FBRSL1: variants seen among roughly 807,000 people sequenced by gnomAD.
FBRSL1 encodes the protein fibrosin-1-like protein.
In FBRSL1, 51 loss-of-function variants were observed where a neutral mutation model predicts 89.6. The observed-to-expected ratio is 0.57, with a 90% CI of 0.45 to 0.72. The LOEUF is 0.72. FBRSL1 is among the 30% of genes least tolerant of loss of function. The probability of loss-of-function intolerance (pLI) is 0.00; values close to 1 mark genes in which losing one functional copy is unlikely to be tolerated. For missense variants in FBRSL1, 1,618 were observed against 1,451.8 expected, an observed-to-expected ratio of 1.11 and a Z score of -1.86; for synonymous variants, 779 against 681.1, an observed-to-expected ratio of 1.14 and a Z score of -2.24.
rs367937442 is a variant in FBRSL1, at chr12:132,510,731, C to G, written c.489+2381C>G. 4.5e-5 allele frequency: 54 copies of G among 1,207,706 alleles called. No individual in the cohort carries two copies. In the African/African-American group the frequency reaches 6.9e-4, roughly 15 times the overall value. 74.8% of individuals were successfully genotyped at this position (1,207,706 alleles called of 1,614,324 possible). ...CGCCCCGCCATGCTCCCTCTCCCCC[C>G]ACTGGCGTCACAGTGCCCCCACCCG... On this transcript the variant is annotated intron_variant, in intron 2 of 18. Transcript: ENST00000680143.
chr12:132,559,202 G>A lies in FBRSL1; in HGVS notation c.646-8279G>A, dbSNP rs944784412. 3.9e-5 allele frequency among the ~76,000 whole-genome samples: 6 copies of A among 152,344 alleles called. No individual in the cohort carries two copies. The East Asian group carries it at 1.2e-3, about 29-fold the overall frequency. On this transcript the variant is annotated intron_variant, in intron 5 of 18. Transcript: ENST00000680143. ...CAAGTGTAAAATCACGGGGTTCAGGGCGGTGGTCTTGGGGGCTGCGCTGCA... is the reference window on the plus strand; with the variant it reads ...CAAGTGTAAAATCACGGGGTTCAGGACGGTGGTCTTGGGGGCTGCGCTGCA...
intron 5 of FBRSL1, among the ~76,000 whole-genome samples, chr12:132,559,470 C>T (rs1332368341): frequency 6.6e-6 from 1 of 152,242 alleles, no homozygotes; most frequent in African/African-American, 2.4e-5. Context: ...CGGCTCACTG[C>T]AGCCTCCACC....
At chr12:132,523,153 G>C (rs1006860642) in intron 2 of FBRSL1, among the ~76,000 whole-genome samples, 1 of 152,174 alleles carries the variant, frequency 6.6e-6, no homozygotes, top group African/African-American at 2.4e-5. Flanking sequence ...TGTCCCTCCA[G>C]CTCCTGCTGG....
chr12:132,527,912 G>A (rs1386049738), intron 3 of FBRSL1, 41 bp from the exon 4 acceptor site: 22 of 1,548,760 alleles, frequency 1.4e-5, no homozygotes, highest in Admixed American at 5.9e-5. Context: ...AGTTTGTTCC[G>A]AGTGGCAGCC....
intron 18 of FBRSL1, among the ~76,000 whole-genome samples, chr12:132,582,703 G>T (rs1418437505): frequency 2.0e-5 from 3 of 152,116 alleles, no homozygotes; most frequent in Non-Finnish European, 4.4e-5. Context: ...AGGCCCCCCT[G>T]TCCTAACAGG....
chr12:132,565,209 A>T (rs1157981042), intron 5 of FBRSL1: 1 of 152,192 alleles, frequency 6.6e-6, no homozygotes, highest in Non-Finnish European at 1.5e-5. Flanking sequence ...TTTCAGTTAC[A>T]CAAGTGTTAC....
intron 15 of FBRSL1, among the ~76,000 whole-genome samples, chr12:132,579,945 T>C (rs771906863): frequency 6.6e-6 from 1 of 152,176 alleles, no homozygotes; most frequent in Non-Finnish European, 1.5e-5. Flanking sequence ...AGTAAGTTGA[T>C]TTGGGGCAGG....
At chr12:132,525,115 T>TGATGAAAC (rs1357126755) in intron 2 of FBRSL1, among the ~76,000 whole-genome samples, 5 of 151,958 alleles carry the variant, frequency 3.3e-5, no homozygotes, top group Admixed American at 2.0e-4. Context: ...CTTCAGCAGG[T>TGATGAAAC]GATGAAACTG....
Position 132,583,559 on chromosome 12 carries a change from C to T in FBRSL1, c.2790C>T (p.Phe930=), listed in dbSNP as rs1202309710. ...ALLPSLGALH[F]PRLSPAALHN... ...TGCCCTCGCTGGGAGCCCTGCACTT[C>T]CCGCGCCTCTCGCCCGCCGCGCTGC... The change falls in exon 19 of 19, where the codon TTC becomes TTT. Residue 930 remains phenylalanine, a synonymous_variant. Transcript: ENST00000680143. 4.8e-6 allele frequency: 5 copies of T among 1,032,742 alleles called. No individual in the cohort carries two copies. Among genetic ancestry groups the T allele is most frequent in the Admixed American group, 5.9e-5 (1 of 16,856 alleles). The allele number at this position is 1,032,742 out of a possible 1,614,324, so 64.0% of individuals were successfully genotyped here. A position where few individuals can be genotyped will look rare whatever the true frequency, so the allele number is the denominator to read the frequency against.
intron 5 of FBRSL1, among the ~76,000 whole-genome samples, chr12:132,559,340 G>A (rs11146929): frequency 0.43 from 65,991 of 152,182 alleles, 15,786 homozygotes; most frequent in Middle Eastern, 0.55. Flanking sequence ...GGACGGGTGG[G>A]GGAAGGGCTC....
intron 1 of FBRSL1, among the ~76,000 whole-genome samples, chr12:132,503,511 G>T (rs79118389): frequency 1.5e-3 from 226 of 152,360 alleles, no homozygotes; most frequent in African/African-American, 5.3e-3. Context: ...TGTGAGCCAT[G>T]GGGGAGATGG....
At chr12:132,560,431 C>G (rs1486479367) in intron 5 of FBRSL1, among the ~76,000 whole-genome samples, 1 of 151,724 alleles carries the variant, frequency 6.6e-6, no homozygotes, top group Non-Finnish European at 1.5e-5. Context: ...GCGGCGCGGC[C>G]GAGGGTCCCA....
At chr12:132,529,003 C>T (rs2136981554) in intron 4 of FBRSL1, among the ~76,000 whole-genome samples, 1 of 152,316 alleles carries the variant, frequency 6.6e-6, no homozygotes, top group South Asian at 2.1e-4. Context: ...CCCCTGCCCT[C>T]CTCATGACTG....
chr12:132,504,285 T>C (rs1391873173), intron 1 of FBRSL1, among the ~76,000 whole-genome samples: 1 of 152,196 alleles, frequency 6.6e-6, no homozygotes, highest in Non-Finnish European at 1.5e-5. Flanking sequence ...AATTATTTTA[T>C]CTCTCCGTGT....
intron 4 of FBRSL1, among the ~76,000 whole-genome samples, chr12:132,538,366 C>G (rs1449735314): frequency 6.6e-6 from 1 of 152,238 alleles, no homozygotes; most frequent in East Asian, 1.9e-4. Flanking sequence ...CACCACTCCC[C>G]TTTCCCATCC....
At chr12:132,539,286 AG>A (rs1443612976) in intron 4 of FBRSL1, among the ~76,000 whole-genome samples, 2 of 151,866 alleles carry the variant, frequency 1.3e-5, no homozygotes, top group African/African-American at 4.8e-5. Flanking sequence ...TGGGCCAGGA[AG>A]CCTCAGTCCC....
At chr12:132,513,333 G>A (rs991209435) in intron 2 of FBRSL1, among the ~76,000 whole-genome samples, 5 of 152,134 alleles carry the variant, frequency 3.3e-5, no homozygotes, top group Admixed American at 2.0e-4. Context: ...GTGGGGCTGC[G>A]CCTGCCCAGG....
chr12:132,492,045 G>A (rs1382330809), intron 1 of FBRSL1, among the ~76,000 whole-genome samples: 2 of 152,186 alleles, frequency 1.3e-5, no homozygotes, highest in Non-Finnish European at 1.5e-5. Flanking sequence ...GATGGCCCTG[G>A]GGCTGTCTTC....
At chr12:132,502,729 C>T (rs1171190338) in intron 1 of FBRSL1, among the ~76,000 whole-genome samples, 1 of 148,176 alleles carries the variant, frequency 6.7e-6, no homozygotes, top group Admixed American at 6.7e-5. Flanking sequence ...CTCGAGCCCG[C>T]TATCCCCATG....
Sources: gnomAD v4.1 joint callset for allele counts (sites outside exome capture counted in the v4.1 genomes callset) on GRCh38, gnomAD v4.1.1 for gene constraint, MANE v1.5 for transcripts, NCBI Gene and HGNC (gene_info 2026-07-23, HGNC 2026-07-21) for gene names.